Variants in ZBTB20 observed in about 807,000 individuals in gnomAD.
The protein encoded by ZBTB20 is zinc finger and BTB domain containing 20.
Under a neutral mutation model 56.9 loss-of-function variants are expected in ZBTB20, and 9 were observed. That is an observed-to-expected ratio of 0.16 (90% CI 0.10 to 0.28). The LOEUF (loss-of-function observed/expected upper bound fraction) is 0.28, where lower values mean the gene tolerates loss of function less well. ZBTB20 is among the 10% of genes least tolerant of loss of function. The probability of loss-of-function intolerance (pLI) is 1.00; values close to 1 mark genes in which losing one functional copy is unlikely to be tolerated. For synonymous variants in ZBTB20, 417 were observed against 420.7 expected (o/e 0.99, Z 0.11); for missense variants, 655 against 1,003.0 (o/e 0.65, Z 4.69).
intron 6 of ZBTB20, among the ~76,000 whole-genome samples, chr3:114,516,518 T>C (rs2046010986): frequency 1.3e-5 from 2 of 152,180 alleles, no homozygotes; most frequent in South Asian, 4.1e-4. Flanking sequence ...CCTGAAGATC[T>C]CTATTATTTT....
chr3:114,889,323 T>G (rs891786578), intron 4 of ZBTB20, among the ~76,000 whole-genome samples: 2 of 151,960 alleles, frequency 1.3e-5, no homozygotes, highest in African/African-American at 4.8e-5. Context: ...ATTCTTTTTC[T>G]TTTGGTTTTT....
At chr3:114,964,575 T>C (rs1362454249) in intron 3 of ZBTB20, among the ~76,000 whole-genome samples, 1 of 152,204 alleles carries the variant, frequency 6.6e-6, no homozygotes, top group Non-Finnish European at 1.5e-5. Flanking sequence ...ATGTGCAGAC[T>C]ATAGCAGGCT....
rs904786912 is a variant in ZBTB20, at chr3:115,133,373, T to C, written c.-703+13846A>G. 2.6e-5 allele frequency among the ~76,000 whole-genome samples: 4 copies of C among 152,230 alleles called. No individual in the cohort carries two copies. The South Asian group carries it at 6.2e-4, about 24-fold the overall frequency. On this transcript the variant is annotated intron_variant, in intron 1 of 11. Coordinates refer to ENST00000675478, the MANE Select transcript of ZBTB20 (RefSeq NM_001348800.3). ...TGTCATTCTTTTTCCTAAAGCTTTA[T>C]TAGTGAATTAAAATTCATATAACAT...
chr3:114,613,703 T>C (rs1477635429), intron 6 of ZBTB20, among the ~76,000 whole-genome samples: 3 of 152,140 alleles, frequency 2.0e-5, no homozygotes, highest in Admixed American at 1.3e-4. Context: ...GATCAATCTG[T>C]ATGTAAAGCT....
intron 3 of ZBTB20, among the ~76,000 whole-genome samples, chr3:114,912,247 G>A (rs1327429487): frequency 1.3e-5 from 2 of 150,270 alleles, no homozygotes; most frequent in Non-Finnish European, 3.0e-5. Flanking sequence ...GTCATCACAA[G>A]ACTTAGAAGA....
intron 6 of ZBTB20, among the ~76,000 whole-genome samples, chr3:114,637,038 T>C (rs201443739): frequency 6.6e-6 from 1 of 152,120 alleles, no homozygotes; most frequent in African/African-American, 2.4e-5. Context: ...AGAGTGGCTA[T>C]TCTTATATCA....
At chr3:114,668,466 T>C (rs894483362) in intron 6 of ZBTB20, among the ~76,000 whole-genome samples, 26 of 152,048 alleles carry the variant, frequency 1.7e-4, no homozygotes, top group African/African-American at 6.0e-4. Context: ...TTGGTCCCTT[T>C]GTTTGACAAG....
At chr3:114,430,943 T>C (rs78512230) in intron 7 of ZBTB20, among the ~76,000 whole-genome samples, 10,149 of 152,220 alleles carry the variant, frequency 0.067, 434 homozygotes, top group East Asian at 0.19. Flanking sequence ...AAGTGAATTT[T>C]TCTCTCATAT....
chr3:114,774,556 T>A (rs546617791), intron 5 of ZBTB20, among the ~76,000 whole-genome samples: 5 of 152,282 alleles, frequency 3.3e-5, no homozygotes, highest in African/African-American at 1.2e-4. Flanking sequence ...GATACCATAA[T>A]TTCAAGGGGC....
intron 2 of ZBTB20, among the ~76,000 whole-genome samples, chr3:114,977,012 T>C (rs2078129742): frequency 1.4e-5 from 2 of 146,010 alleles, no homozygotes; most frequent in South Asian, 4.3e-4. Context: ...TTTCCTAAAT[T>C]AAAAAAAAAA....
At chr3:114,428,665 A>G (rs1399689549) in intron 7 of ZBTB20, among the ~76,000 whole-genome samples, 4 of 152,226 alleles carry the variant, frequency 2.6e-5, no homozygotes, top group African/African-American at 7.2e-5. Flanking sequence ...ACAAGTCCCC[A>G]GCCCCTAGTA....
intron 7 of ZBTB20, among the ~76,000 whole-genome samples, chr3:114,489,559 T>C (rs2109481382): frequency 6.6e-6 from 1 of 152,270 alleles, no homozygotes; most frequent in South Asian, 2.1e-4. Context: ...ACTGTATACA[T>C]GCAATGTATG....
At chr3:115,038,539 T>G (rs1377412413) in intron 2 of ZBTB20, among the ~76,000 whole-genome samples, 1 of 152,132 alleles carries the variant, frequency 6.6e-6, no homozygotes, top group Admixed American at 6.5e-5. Context: ...GAAAATAACA[T>G]AGAATACTTG....
chr3:114,866,461 G>T (rs964426606), intron 4 of ZBTB20, among the ~76,000 whole-genome samples: 2 of 152,200 alleles, frequency 1.3e-5, no homozygotes, highest in African/African-American at 4.8e-5. Context: ...ATTAGGTAAT[G>T]GAGGTGTAAT....
chr3:114,803,954 C>T (rs2071908499), intron 4 of ZBTB20, among the ~76,000 whole-genome samples: 1 of 151,764 alleles, frequency 6.6e-6, no homozygotes, highest in African/African-American at 2.4e-5. Flanking sequence ...AATTGACCAC[C>T]AGTGTCAGAC....
intron 5 of ZBTB20, among the ~76,000 whole-genome samples, chr3:114,783,432 T>G (rs2070258386): frequency 2.6e-5 from 4 of 152,140 alleles, no homozygotes; most frequent in Admixed American, 2.6e-4. Context: ...ACAAATCAAT[T>G]TATTTTCTTA....
At chr3:114,902,572 T>G (rs772734418) in intron 3 of ZBTB20, among the ~76,000 whole-genome samples, 1 of 152,194 alleles carries the variant, frequency 6.6e-6, no homozygotes, top group Non-Finnish European at 1.5e-5. Flanking sequence ...TAAAAAGTCA[T>G]GTGTATTAGT....
At chr3:114,893,899 C>T (rs1047206721) in intron 4 of ZBTB20, among the ~76,000 whole-genome samples, 8 of 152,078 alleles carry the variant, frequency 5.3e-5, no homozygotes, top group South Asian at 4.1e-4. Flanking sequence ...GGTTCAGGAG[C>T]GCTAAAACAC....
At chr3:114,449,454 G>C (rs981875709) in intron 7 of ZBTB20, among the ~76,000 whole-genome samples, 6 of 152,106 alleles carry the variant, frequency 3.9e-5, no homozygotes, top group African/African-American at 1.4e-4. Flanking sequence ...CTTGAGAAAG[G>C]TAACCAAGTG....
Sources: gnomAD v4.1 joint callset for allele counts (sites outside exome capture counted in the v4.1 genomes callset) on GRCh38, gnomAD v4.1.1 for gene constraint, MANE v1.5 for transcripts, NCBI Gene and HGNC (gene_info 2026-07-23, HGNC 2026-07-21) for gene names.